The following ERBB4 variants were observed in gnomAD, a reference collection of about 807,000 sequenced individuals.
ERBB4 encodes receptor tyrosine-protein kinase erbB-4.
Under a neutral mutation model 158.0 loss-of-function variants are expected in ERBB4, and 42 were observed. That is an observed-to-expected ratio of 0.27 (90% CI 0.21 to 0.34). The LOEUF (loss-of-function observed/expected upper bound fraction) is 0.34, where lower values mean the gene tolerates loss of function less well. ERBB4 is among the 10% of genes least tolerant of loss of function. ERBB4 has a pLI of 1.00. For synonymous variants in ERBB4, 583 were observed against 558.7 expected (o/e 1.04, Z -0.61); for missense variants, 1,333 against 1,624.1 (o/e 0.82, Z 3.08).
intron 1 of ERBB4, among the ~76,000 whole-genome samples, chr2:212,347,252 C>G (rs187770009): frequency 1.3e-5 from 2 of 152,184 alleles, no homozygotes; most frequent in East Asian, 3.9e-4. Context: ...AAATCTTCAA[C>G]GTATAAATTA....
At chr2:212,484,615 A>G (rs922920975) in intron 1 of ERBB4, among the ~76,000 whole-genome samples, 1 of 152,232 alleles carries the variant, frequency 6.6e-6, no homozygotes, top group East Asian at 1.9e-4. Context: ...TTATTTGACT[A>G]AAACAAACAA....
At chr2:212,008,941 G>T (rs1048413386) in intron 2 of ERBB4, among the ~76,000 whole-genome samples, 2 of 151,998 alleles carry the variant, frequency 1.3e-5, no homozygotes, top group Non-Finnish European at 2.9e-5. Context: ...TAGCCCCTGT[G>T]GACAGAGTTC....
rs2090046822 is a variant in ERBB4 at position 212,370,458 on chromosome 2, T to C, written c.82+167991A>G. ...CAAAAATCTAATTACAATAACTGCCTCTGGTAGCTAGTTGGATATATAAGG... is the reference window on the plus strand; with the variant it reads ...CAAAAATCTAATTACAATAACTGCCCCTGGTAGCTAGTTGGATATATAAGG... On this transcript the variant is annotated intron_variant, in intron 1 of 27. Transcript: ENST00000342788. Among the ~76,000 whole-genome samples, 4 of 152,182 alleles carry C rather than the reference T, an allele frequency of 2.6e-5. No homozygotes were observed. In the South Asian group the frequency reaches 8.3e-4, roughly 32 times the overall value.
Position 211,704,208 on chromosome 2 carries a change from G to A in ERBB4, c.1199-14C>T, listed in dbSNP as rs1196190851. On this transcript the variant is annotated splice_polypyrimidine_tract_variant and intron_variant, in intron 10 of 27. Transcript: ENST00000342788. ...TGTTCAGGAAACCTACAAGTGAAGAGTAGAAAAAATAAATCAGAATATCAT... is the reference window on the plus strand; with the variant it reads ...TGTTCAGGAAACCTACAAGTGAAGAATAGAAAAAATAAATCAGAATATCAT... 2 of 1,516,254 alleles carry A rather than the reference G, an allele frequency of 1.3e-6. No homozygotes were observed. Among genetic ancestry groups the A allele is most frequent in the East Asian group, 4.5e-5 (2 of 44,390 alleles). 93.9% of individuals were successfully genotyped at this position (1,516,254 alleles called of 1,614,324 possible). A position where few individuals can be genotyped will look rare whatever the true frequency, so the allele number is the denominator to read the frequency against.
chr2:211,785,738 ACTG>A (rs963889807), intron 4 of ERBB4, among the ~76,000 whole-genome samples: 2 of 152,028 alleles, frequency 1.3e-5, no homozygotes, highest in Non-Finnish European at 2.9e-5. Flanking sequence ...TATTAATCCT[ACTG>A]CTAATATTTT....
intron 19 of ERBB4, among the ~76,000 whole-genome samples, chr2:211,573,936 G>T (rs6737763): frequency 0.82 from 125,106 of 152,132 alleles, 51,573 homozygotes; most frequent in East Asian, 0.93. Context: ...ATAAGCTATA[G>T]TAGTCTAATC....
At chr2:211,422,165 A>G in intron 23 of ERBB4, 61 bp from the exon 24 acceptor site, 1 of 1,132,070 alleles carries the variant, frequency 8.8e-7, no homozygotes, top group Non-Finnish European at 1.3e-6. Context: ...TTGAAATTTA[A>G]ATTTTGTGAA....
At chr2:211,435,423 T>C (rs1371697869) in intron 20 of ERBB4, among the ~76,000 whole-genome samples, 3 of 152,182 alleles carry the variant, frequency 2.0e-5, no homozygotes, top group African/African-American at 7.2e-5. Context: ...ATTTTAAATA[T>C]GAGAAAACAA....
At chr2:212,414,759 C>T (rs951954524) in intron 1 of ERBB4, among the ~76,000 whole-genome samples, 1 of 152,092 alleles carries the variant, frequency 6.6e-6, no homozygotes, top group African/African-American at 2.4e-5. Context: ...CATATTGAAT[C>T]GATTTAAACT....
At chr2:211,613,383 T>C (rs1454659425) in intron 19 of ERBB4, among the ~76,000 whole-genome samples, 1 of 148,000 alleles carries the variant, frequency 6.8e-6, no homozygotes, top group Non-Finnish European at 1.5e-5. Flanking sequence ...GAAAATGAAC[T>C]AGAAAGGCAG....
At chr2:211,981,991 T>C (rs1340942584) in intron 2 of ERBB4, among the ~76,000 whole-genome samples, 4 of 152,140 alleles carry the variant, frequency 2.6e-5, no homozygotes, top group Admixed American at 6.6e-5. Flanking sequence ...AATAAATTAG[T>C]GTATAAGATA....
chr2:212,520,272 CAGTAA>C (rs1695521311), intron 1 of ERBB4, among the ~76,000 whole-genome samples: 1 of 151,798 alleles, frequency 6.6e-6, no homozygotes, highest in Admixed American at 6.6e-5. Flanking sequence ...TATTGCTTTG[CAGTAA>C]AGTAAAAAGT....
intron 1 of ERBB4, among the ~76,000 whole-genome samples, chr2:212,435,910 GA>G (rs968327516): frequency 2.6e-5 from 4 of 151,356 alleles, no homozygotes; most frequent in Middle Eastern, 3.4e-3. Flanking sequence ...TTTGGTGAAA[GA>G]AAAAAAATAA....
At position 212,057,539 on chromosome 2, in the gene ERBB4, T is replaced by A. The variant is rs183192133; in HGVS notation, c.234+67213A>T. On this transcript the variant is annotated intron_variant, in intron 2 of 27. Transcript: ENST00000342788. ...GACCACATAGTTGGAAGTAAAGCACTCCTCAGCAAATGTAAAAGAACAGAA... is the reference window on the plus strand; with the variant it reads ...GACCACATAGTTGGAAGTAAAGCACACCTCAGCAAATGTAAAAGAACAGAA... Among the ~76,000 whole-genome samples the A allele has an allele frequency of 4.6e-5, 7 of 152,248 alleles. 2 individuals are homozygous for A. Among genetic ancestry groups the A allele is most frequent in the Admixed American group, 3.9e-4 (6 of 15,290 alleles).
chr2:212,471,331 CAG>C (rs1689107628), intron 1 of ERBB4, among the ~76,000 whole-genome samples: 2 of 151,972 alleles, frequency 1.3e-5, no homozygotes, highest in Admixed American at 1.3e-4. Flanking sequence ...AGACTCTTTG[CAG>C]AGTCTTTAGC....
At chr2:212,153,582 T>C (rs763237558) in intron 1 of ERBB4, among the ~76,000 whole-genome samples, 39 of 152,220 alleles carry the variant, frequency 2.6e-4, no homozygotes, top group Non-Finnish European at 4.1e-4. Context: ...CCGCATATTG[T>C]TGTTTTATTT....
At chr2:212,178,041 G>T (rs1210138517) in intron 1 of ERBB4, among the ~76,000 whole-genome samples, 1 of 151,374 alleles carries the variant, frequency 6.6e-6, no homozygotes, top group Admixed American at 6.6e-5. Flanking sequence ...ATGTGCAAAT[G>T]GTCTGTGGCT....
chr2:211,625,464 A>G (rs1180176147), intron 17 of ERBB4, among the ~76,000 whole-genome samples: 5 of 152,244 alleles, frequency 3.3e-5, no homozygotes, highest in African/African-American at 1.2e-4. Flanking sequence ...AGAACGTAAT[A>G]AAAAATTGCC....
rs34492305 is a variant in ERBB4, at chr2:211,675,792, T to TTATATATATATATATATATATATATA, written c.1623-2536_1623-2535insTATATATATATATATATATATATATA. 1.5e-3 allele frequency among the ~76,000 whole-genome samples: 142 copies of TTATATATATATATATATATATATATA among 93,480 alleles called. 4 individuals are homozygous for TTATATATATATATATATATATATATA. Among genetic ancestry groups the TTATATATATATATATATATATATATA allele is most frequent in the Middle Eastern group, 6.1e-3 (1 of 164 alleles). The allele number at this position is 93,480 out of a possible 152,430, so 61.3% of individuals were successfully genotyped here. A position where few individuals can be genotyped will look rare whatever the true frequency, so the allele number is the denominator to read the frequency against. The stretch of plus-strand genomic sequence containing the variant: ...TATAATATATATATAAAATATAATA[T>TTATATATATATATATATATATATATA]TATATATATATATATATAACAAATA... On this transcript the variant is annotated intron_variant, in intron 13 of 27. Coordinates refer to ENST00000342788, the MANE Select transcript of ERBB4 (RefSeq NM_005235.3).
Sources: gnomAD v4.1 joint callset for allele counts (sites outside exome capture counted in the v4.1 genomes callset) on GRCh38, gnomAD v4.1.1 for gene constraint, MANE v1.5 for transcripts, NCBI Gene and HGNC (gene_info 2026-07-23, HGNC 2026-07-21) for gene names.